Variants in NFIX observed in about 807,000 individuals in gnomAD.
NFIX encodes the protein nuclear factor 1 X-type.
A neutral mutation model predicts 53.3 loss-of-function variants in NFIX; 2 were observed. The ratio of observed to expected loss-of-function variants is 0.04; its 90% CI spans 0.02 to 0.12. The LOEUF (loss-of-function observed/expected upper bound fraction) is 0.12, where lower values mean the gene tolerates loss of function less well. Among genes scored for constraint, NFIX ranks in the 10% least tolerant of loss-of-function variants. The pLI, the probability that NFIX is intolerant of heterozygous loss-of-function variation, is 1.00. For synonymous variants in NFIX, 244 were observed against 289.0 expected (o/e 0.84, Z 1.58); for missense variants, 310 against 674.5 (o/e 0.46, Z 5.99).
Position 13,096,328 on chromosome 19 carries a change from T to C in NFIX, c.*1679T>C, listed in dbSNP as rs1304243808. The C allele has an allele frequency of 6.6e-6, 1 of 152,350 alleles. No homozygotes were observed. Among genetic ancestry groups the C allele is most frequent in the Non-Finnish European group, 1.5e-5 (1 of 68,012 alleles). The allele number at this position is 152,350 out of a possible 1,614,324, so 9.4% of individuals were successfully genotyped here. Reference sequence around the variant, plus strand: ...GGGCTGTATTTATTGTGAATCTAGTTTGTGAGGCTGTGGCCCCGAGCTGGC... The same window carrying C: ...GGGCTGTATTTATTGTGAATCTAGTCTGTGAGGCTGTGGCCCCGAGCTGGC... On this transcript the variant is annotated 3_prime_UTR_variant, in exon 11 of 11. Transcript: ENST00000592199.
chr19:13,024,113 C>CAAAAAAAAA, intron 1 of NFIX: 3 of 412,060 alleles, frequency 7.3e-6, no homozygotes, highest in Non-Finnish European at 1.2e-5. Context: ...AGCAAACAAC[C>CAAAAAAAAA]AAAAAAAAAA....
In NFIX at chr19:13,009,728, G is replaced by C. The variant is rs983361469; in HGVS notation, c.27+13864G>C. ...CTTGGCTCCAAGTGGGGTACTGATG[G>C]GCACTGAAAAACCGATGGGCAGTGA... On this transcript the variant is annotated intron_variant, in intron 1 of 10. Transcript: ENST00000592199. The surrounding 1 kb of genome is among the most constrained non-coding windows in gnomAD (Gnocchi z 4.7). Among the ~76,000 whole-genome samples the C allele has an allele frequency of 2.0e-5, 3 of 152,212 alleles. No individual in the cohort carries two copies. Among genetic ancestry groups the C allele is most frequent in the African/African-American group, 7.2e-5 (3 of 41,450 alleles).
At position 13,090,538 on chromosome 19, in the gene NFIX, C is replaced by G; in HGVS notation, c.1494+148C>G. 1.3e-6 allele frequency: 1 copy of G among 766,674 alleles called. No homozygotes were observed. The highest frequency in any genetic ancestry group is 2.2e-6 in the Non-Finnish European group (1 of 448,084). 47.5% of individuals were successfully genotyped at this position (766,674 alleles called of 1,614,324 possible). On this transcript the variant is annotated intron_variant, in intron 10 of 10. Transcript: ENST00000592199. This position sits in a 1 kb window ranked among gnomAD's most constrained non-coding sequence, Gnocchi z 6.6. Reference sequence around the variant, plus strand: ...TGGGGCTGGAGGGCCCAGGCTTTTGCACGCCCAGCTGAGCCTGTCTCCCCA... The same window carrying G: ...TGGGGCTGGAGGGCCCAGGCTTTTGGACGCCCAGCTGAGCCTGTCTCCCCA...
chr19:13,068,722 T>C lies in NFIX; in HGVS notation c.560-4325T>C, dbSNP rs2016582530. Among the ~76,000 whole-genome samples, 1 of 152,244 alleles carries C rather than the reference T, an allele frequency of 6.6e-6. No individual in the cohort carries two copies. The highest frequency in any genetic ancestry group is 1.5e-5 in the Non-Finnish European group (1 of 68,042). On this transcript the variant is annotated intron_variant, in intron 2 of 10. Coordinates refer to ENST00000592199, the MANE Select transcript of NFIX (RefSeq NM_001365902.3). This position sits in a 1 kb window ranked among gnomAD's most constrained non-coding sequence, Gnocchi z 4.2. ...CCCATGCGGAGGGAGTCCAGTCTTA[T>C]TGCCTGCTCCTTCGTAGCCCTCCCT...
chr19:13,083,342 C>T (rs187494830), intron 8 of NFIX, among the ~76,000 whole-genome samples: 6 of 152,228 alleles, frequency 3.9e-5, no homozygotes, highest in South Asian at 2.1e-4. Context: ...TCTTAACTAC[C>T]GAGGCAGCCA....
chr19:13,050,169 G>A (rs2015241740), intron 2 of NFIX, among the ~76,000 whole-genome samples: 1 of 152,196 alleles, frequency 6.6e-6, no homozygotes, highest in Non-Finnish European at 1.5e-5. Flanking sequence ...GGGTCTCTCT[G>A]GGTTGGGCCC....
Position 12,996,170 on chromosome 19 carries a change from T to TGCGC in NFIX, c.27+309_27+312dup, listed in dbSNP as rs371482009. Among the ~76,000 whole-genome samples the TGCGC allele has an allele frequency of 7.2e-6, 1 of 139,434 alleles. No individual in the cohort carries two copies. The highest frequency in any genetic ancestry group is 2.7e-5 in the African/African-American group (1 of 37,576). The allele number at this position is 139,434 out of a possible 152,430, so 91.5% of individuals were successfully genotyped here. A position where few individuals can be genotyped will look rare whatever the true frequency, so the allele number is the denominator to read the frequency against. ...GTGTGTGTGTGTGTGTGTGTGTGTG[T>TGCGC]GCGCGCTCGACTGGGGTGCGATGGG... On this transcript the variant is annotated intron_variant, in intron 1 of 10. Coordinates refer to ENST00000592199, the MANE Select transcript of NFIX (RefSeq NM_001365902.3). The surrounding 1 kb of genome is among the most constrained non-coding windows in gnomAD (Gnocchi z 5.2).
At position 13,081,959 on chromosome 19, in the gene NFIX, T is replaced by A; in HGVS notation, c.1254+104T>A. 1 of 1,395,600 alleles carries A rather than the reference T, an allele frequency of 7.2e-7. No individual in the cohort carries two copies. The highest frequency in any genetic ancestry group is 9.8e-7 in the Non-Finnish European group (1 of 1,015,562). The allele number at this position is 1,395,600 out of a possible 1,614,324, so 86.5% of individuals were successfully genotyped here. A position where few individuals can be genotyped will look rare whatever the true frequency, so the allele number is the denominator to read the frequency against. On this transcript the variant is annotated intron_variant, in intron 8 of 10. Transcript: ENST00000592199. The surrounding 1 kb of genome is among the most constrained non-coding windows in gnomAD (Gnocchi z 4.7). ...AGGGCCCAAAAGCCAGGAGCCCACCTGGGGCTGGAGCAGCAGGGAGCTGGT... is the reference window on the plus strand; with the variant it reads ...AGGGCCCAAAAGCCAGGAGCCCACCAGGGGCTGGAGCAGCAGGGAGCTGGT...
In NFIX at chr19:12,998,217, G is replaced by T. The variant is rs2011537403; in HGVS notation, c.27+2353G>T. On this transcript the variant is annotated intron_variant, in intron 1 of 10. Coordinates refer to ENST00000592199, the MANE Select transcript of NFIX (RefSeq NM_001365902.3). The surrounding 1 kb of genome is among the most constrained non-coding windows in gnomAD (Gnocchi z 4.4). ...CATCTCTGTCCTTTTGTATGTCTCT[G>T]ACTGTCTCTGTCTCTGATTCCAGTT... 6.6e-6 allele frequency among the ~76,000 whole-genome samples: 1 copy of T among 151,696 alleles called. No homozygotes were observed. The highest frequency in any genetic ancestry group is 1.5e-5 in the Non-Finnish European group (1 of 67,974).
In NFIX at chr19:13,013,653, CAT is replaced by C. The variant is rs1491289739; in HGVS notation, c.28-11367_28-11366del. 5 of 151,902 alleles carry C rather than the reference CAT, an allele frequency of 3.3e-5. No homozygotes were observed. The highest frequency in any genetic ancestry group is 3.3e-4 in the Admixed American group (5 of 15,260). 9.4% of individuals were successfully genotyped at this position (151,902 alleles called of 1,614,324 possible). On this transcript the variant is annotated intron_variant, in intron 1 of 10. Coordinates refer to ENST00000592199, the MANE Select transcript of NFIX (RefSeq NM_001365902.3). This position sits in a 1 kb window ranked among gnomAD's most constrained non-coding sequence, Gnocchi z 5.9. ...GAGTCTTTTTCCTCTTCTCTAAAAA[CAT>C]TTTTTTTAATTTAAAGGAGTTTTAT...
rs925860043 is a variant in NFIX at position 13,002,626 on chromosome 19, C to T, written c.27+6762C>T. 5.3e-5 allele frequency among the ~76,000 whole-genome samples: 8 copies of T among 152,196 alleles called. No homozygotes were observed. The highest frequency in any genetic ancestry group is 1.9e-4 in the African/African-American group (8 of 41,440). On this transcript the variant is annotated intron_variant, in intron 1 of 10. Transcript: ENST00000592199. This position sits in a 1 kb window ranked among gnomAD's most constrained non-coding sequence, Gnocchi z 6.1. ...GGTGTCTGGCTTCTGGTGGGGCTGG[C>T]AGGCCTCTGTGAGGCGCAGCTGTGC...
Position 13,097,210 on chromosome 19 carries a change from T to C in NFIX, c.*2561T>C, listed in dbSNP as rs1299833261. ...TAGTTTTTTTTTTTTTAAGTCGTTT[T>C]CCTGCGTTGACGAGGATGATCTGGG... is the stretch of plus-strand genomic sequence containing the variant. On this transcript the variant is annotated 3_prime_UTR_variant, in exon 11 of 11. Transcript: ENST00000592199. The C allele has an allele frequency of 3.3e-5, 5 of 151,006 alleles. No homozygotes were observed. Among genetic ancestry groups the C allele is most frequent in the Non-Finnish European group, 7.4e-5 (5 of 67,828 alleles). 9.4% of individuals were successfully genotyped at this position (151,006 alleles called of 1,614,324 possible).
chr19:13,040,921 C>T lies in NFIX; in HGVS notation c.559+15369C>T, dbSNP rs2014577239. 6.6e-6 allele frequency among the ~76,000 whole-genome samples: 1 copy of T among 152,182 alleles called. No individual in the cohort carries two copies. Among genetic ancestry groups the T allele is most frequent in the African/African-American group, 2.4e-5 (1 of 41,426 alleles). ...TTCTACCTTAAGACTCTCTAGATAG[C>T]TCCTTCCTCCTCTCTCACCTGGTCC... On this transcript the variant is annotated intron_variant, in intron 2 of 10. Transcript: ENST00000592199. This position sits in a 1 kb window ranked among gnomAD's most constrained non-coding sequence, Gnocchi z 4.2.
chr19:13,039,658 G>A (rs767243546), intron 2 of NFIX, among the ~76,000 whole-genome samples: 1 of 152,172 alleles, frequency 6.6e-6, no homozygotes, highest in African/African-American at 2.4e-5. Flanking sequence ...GCGAGGCCCC[G>A]TTTCTATGCA....
At position 12,996,839 on chromosome 19, in the gene NFIX, G is replaced by A. The variant is rs779106601; in HGVS notation, c.27+975G>A. Among the ~76,000 whole-genome samples the A allele has an allele frequency of 2.2e-4, 33 of 152,384 alleles. No homozygotes were observed. The highest frequency in any genetic ancestry group is 3.5e-4 in the Non-Finnish European group (24 of 68,034). On this transcript the variant is annotated intron_variant, in intron 1 of 10. Transcript: ENST00000592199. This position sits in a 1 kb window ranked among gnomAD's most constrained non-coding sequence, Gnocchi z 5.2. ...CCTGCAGCGAAGTTCCCTGCGCGGCGCACGGCTGCGGCAAAAGCTTCGAGG... is the reference window on the plus strand; with the variant it reads ...CCTGCAGCGAAGTTCCCTGCGCGGCACACGGCTGCGGCAAAAGCTTCGAGG...
At chr19:13,000,719 C>T (rs113229957) in intron 1 of NFIX, among the ~76,000 whole-genome samples, 1,532 of 152,258 alleles carry the variant, frequency 0.01, 31 homozygotes, top group African/African-American at 0.035. Context: ...ACTTCAGGGA[C>T]GTCCCCAAGC....
Position 13,036,724 on chromosome 19 carries a change from G to A in NFIX, c.559+11172G>A, listed in dbSNP as rs919157163. On this transcript the variant is annotated intron_variant, in intron 2 of 10. Coordinates refer to ENST00000592199, the MANE Select transcript of NFIX (RefSeq NM_001365902.3). The surrounding 1 kb of genome is among the most constrained non-coding windows in gnomAD (Gnocchi z 4.7). ...AGGTGGCCCAGAATACAGACAGGGG[G>A]TGTAATAAGTGTATATCCTCTGGCT... Among the ~76,000 whole-genome samples, 1 of 152,116 alleles carries A rather than the reference G, an allele frequency of 6.6e-6. No homozygotes were observed. The highest frequency in any genetic ancestry group is 2.4e-5 in the African/African-American group (1 of 41,402).
chr19:13,033,383 T>A (rs973891311), intron 2 of NFIX, among the ~76,000 whole-genome samples: 3 of 152,174 alleles, frequency 2.0e-5, no homozygotes, highest in Non-Finnish European at 4.4e-5. Context: ...ATTCTGGGGC[T>A]GCCCTTTATG....
Position 13,093,811 on chromosome 19 carries a change from C to T in NFIX, c.1495-824C>T, listed in dbSNP as rs1245304242. Among the ~76,000 whole-genome samples, 5 of 152,142 alleles carry T rather than the reference C, an allele frequency of 3.3e-5. No homozygotes were observed. The highest frequency in any genetic ancestry group is 4.8e-5 in the African/African-American group (2 of 41,436). The stretch of plus-strand genomic sequence containing the variant: ...CCAGTAGACCACAGTAGACCCTGAC[C>T]CACCACTTTGCCAGGAGGTGGGGCT... On this transcript the variant is annotated intron_variant, in intron 10 of 10. Transcript: ENST00000592199. The surrounding 1 kb of genome is among the most constrained non-coding windows in gnomAD (Gnocchi z 4.7).
Sources: allele counts gnomAD v4.1 joint callset (sites outside exome capture counted in the v4.1 genomes callset), GRCh38; gene constraint gnomAD v4.1.1; non-coding constraint Gnocchi (gnomAD v3.1); transcripts MANE v1.5; gene names NCBI Gene and HGNC (gene_info 2026-07-23, HGNC 2026-07-21).